Variants in DDX25 observed in about 807,000 individuals in gnomAD.
The protein encoded by DDX25 is DEAD-box helicase 25, also known as ATP-dependent RNA helicase DDX25.
In DDX25, 70 loss-of-function variants were observed where a neutral mutation model predicts 64.6. The ratio of observed to expected loss-of-function variants is 1.08; its 90% CI spans 0.89 to 1.32. DDX25 has a LOEUF of 1.32. Ranked by LOEUF, DDX25 falls within the 40% of genes most tolerant of loss-of-function variation. The pLI, the probability that DDX25 is intolerant of heterozygous loss-of-function variation, is 0.00. For synonymous variants in DDX25, 211 were observed against 213.3 expected, an observed-to-expected ratio of 0.99 and a Z score of 0.09; for missense variants, 587 against 604.4, an observed-to-expected ratio of 0.97 and a Z score of 0.30.
chr11:125,911,511 C>T (rs1944969116), intron 8 of DDX25, 23 bp downstream of exon 8: 4 of 1,604,050 alleles, frequency 2.5e-6, no homozygotes, highest in Non-Finnish European at 3.4e-6. Flanking sequence ...GTCTTCCTCT[C>T]TTCCTCAGCC....
chr11:125,920,513 G>A (rs376519197), intron 10 of DDX25, among the ~76,000 whole-genome samples: 45 of 152,298 alleles, frequency 3.0e-4, no homozygotes, highest in African/African-American at 1.1e-3. Context: ...TTCAGGAAAT[G>A]GCCAGACCTT....
At chr11:125,914,012 T>C (rs1159094286) in intron 8 of DDX25, among the ~76,000 whole-genome samples, 2 of 152,236 alleles carry the variant, frequency 1.3e-5, no homozygotes, top group Non-Finnish European at 2.9e-5. Context: ...CTCTGATTTT[T>C]TTTTATAGAG....
intron 1 of DDX25, 166 bp downstream of exon 1, chr11:125,904,746 C>A (rs1944855671): frequency 1.2e-6 from 1 of 818,700 alleles, no homozygotes; most frequent in Non-Finnish European, 1.9e-6. Context: ...AGAGGGAGAC[C>A]CCGTCCCCAC....
chr11:125,911,364 G>A lies in DDX25; in HGVS notation c.676G>A (p.Val226Ile). 1.2e-6 allele frequency: 2 copies of A among 1,613,796 alleles called. No homozygotes were observed. Among genetic ancestry groups the A allele is most frequent in the South Asian group, 2.2e-5 (2 of 91,010 alleles). Reference sequence around the variant, plus strand: ...GATTATAATTGGCACTCCTGGGACTGTCCTAGATTGGTGTTTTAAACTAAA... The same window carrying A: ...GATTATAATTGGCACTCCTGGGACTATCCTAGATTGGTGTTTTAAACTAAA... ...KQIIIGTPGT[V>I]LDWCFKLKLI... The change falls in exon 8 of 12, where the codon GTC (valine) becomes ATC (isoleucine). Residue 226 changes from valine to isoleucine, a missense_variant. By Grantham distance (29) the Val-to-Ile change is conservative (BLOSUM62 3). Transcript: ENST00000263576.
At chr11:125,906,352 C>A in intron 4 of DDX25, 143 bp downstream of exon 4, 1 of 1,099,332 alleles carries the variant, frequency 9.1e-7, no homozygotes, top group Non-Finnish European at 1.2e-6. Context: ...CAGAGTCTCA[C>A]TCTGTCCCCC....
In DDX25 at chr11:125,923,696, T is replaced by A. The variant is rs535625359; in HGVS notation, c.*815T>A. The A allele has an allele frequency of 6.6e-6, 1 of 151,710 alleles. No individual in the cohort carries two copies. The highest frequency in any genetic ancestry group is 6.5e-5 in the Admixed American group (1 of 15,280). The allele number at this position is 151,710 out of a possible 1,614,324, so 9.4% of individuals were successfully genotyped here. A position where few individuals can be genotyped will look rare whatever the true frequency, so the allele number is the denominator to read the frequency against. On this transcript the variant is annotated 3_prime_UTR_variant, in exon 12 of 12. Coordinates refer to ENST00000263576, the MANE Select transcript of DDX25 (RefSeq NM_013264.5). ...CTGGACATTTTCCCACAAGACCCAT[T>A]GAGATACTTTTTAATTTTTCATATT...
rs1945154090 is a variant in DDX25 at position 125,924,865 on chromosome 11, T to A, written c.*1984T>A. 6.6e-6 allele frequency: 1 copy of A among 152,598 alleles called. No homozygotes were observed. The highest frequency in any genetic ancestry group is 2.1e-4 in the South Asian group (1 of 4,846). The allele number at this position is 152,598 out of a possible 1,614,324, so 9.5% of individuals were successfully genotyped here. The stretch of plus-strand genomic sequence containing the variant: ...AACTCCTGCTGCTCGGTGTCCATCC[T>A]GGTTCTCCTTATCCTACATCTGCCC... On this transcript the variant is annotated 3_prime_UTR_variant, in exon 12 of 12. Transcript: ENST00000263576.
chr11:125,905,620 T>C, intron 3 of DDX25, 23 bp downstream of exon 3: 1 of 1,544,320 alleles, frequency 6.5e-7, no homozygotes, highest in Non-Finnish European at 8.8e-7. Flanking sequence ...TTCATTTGCA[T>C]GTATCTACTA....
intron 8 of DDX25, among the ~76,000 whole-genome samples, chr11:125,915,482 TCTTTC>T (rs1437260978): frequency 6.6e-6 from 1 of 152,236 alleles, no homozygotes; most frequent in Non-Finnish European, 1.5e-5. Flanking sequence ...GCCATGGTTT[TCTTTC>T]CTTATGTATT....
chr11:125,920,997 G>A (rs1029648916), intron 10 of DDX25, 194 bp from the exon 11 acceptor site: 12 of 565,034 alleles, frequency 2.1e-5, no homozygotes, highest in Admixed American at 3.0e-5. Flanking sequence ...CTATGGACAC[G>A]CTCATCTAGC....
intron 10 of DDX25, among the ~76,000 whole-genome samples, chr11:125,920,585 T>G (rs1420794415): frequency 6.6e-6 from 1 of 152,102 alleles, no homozygotes; most frequent in Non-Finnish European, 1.5e-5. Context: ...TGGCTTGCAG[T>G]CTTGAATTGC....
chr11:125,911,981 G>A (rs532429013), intron 8 of DDX25, among the ~76,000 whole-genome samples: 13 of 152,270 alleles, frequency 8.5e-5, no homozygotes, highest in Non-Finnish European at 1.5e-4. Flanking sequence ...ACAGATTACC[G>A]GACGCAGCCT....
intron 6 of DDX25, among the ~76,000 whole-genome samples, chr11:125,909,462 G>T (rs962982923): frequency 6.6e-6 from 1 of 151,810 alleles, no homozygotes; most frequent in Non-Finnish European, 1.5e-5. Flanking sequence ...AGATATTACC[G>T]TTTTTTTCCA....
At position 125,924,950 on chromosome 11, in the gene DDX25, C is replaced by T. The variant is rs545148521; in HGVS notation, c.*2069C>T. On this transcript the variant is annotated 3_prime_UTR_variant, in exon 12 of 12. Transcript: ENST00000263576. Reference sequence around the variant, plus strand: ...TCCACTCAATACCCCTAACACAGTGCCCAGTGCATTCTAAGTGCCCAAGGA... The same window carrying T: ...TCCACTCAATACCCCTAACACAGTGTCCAGTGCATTCTAAGTGCCCAAGGA... 1 of 164,864 alleles carries T rather than the reference C, an allele frequency of 6.1e-6. No individual in the cohort carries two copies. The highest frequency in any genetic ancestry group is 1.3e-5 in the Non-Finnish European group (1 of 75,396). 10.2% of individuals were successfully genotyped at this position (164,864 alleles called of 1,614,324 possible). A position where few individuals can be genotyped will look rare whatever the true frequency, so the allele number is the denominator to read the frequency against.
At chr11:125,915,556 A>T (rs1945026700) in intron 8 of DDX25, among the ~76,000 whole-genome samples, 1 of 152,210 alleles carries the variant, frequency 6.6e-6, no homozygotes, top group African/African-American at 2.4e-5. Flanking sequence ...CTAAGCTTCA[A>T]ACGAGACTAC....
At chr11:125,913,872 T>A (rs1944999696) in intron 8 of DDX25, among the ~76,000 whole-genome samples, 1 of 148,512 alleles carries the variant, frequency 6.7e-6, no homozygotes, top group African/African-American at 2.5e-5. Context: ...AAAAAAAAAA[T>A]GATATAAAAT....
chr11:125,913,968 C>A (rs1457951277), intron 8 of DDX25, among the ~76,000 whole-genome samples: 1 of 152,040 alleles, frequency 6.6e-6, no homozygotes, highest in African/African-American at 2.4e-5. Flanking sequence ...TTGAGCATTC[C>A]GTTTCTGTCT....
In DDX25 at chr11:125,908,470, A is replaced by C. The variant is rs1944925321; in HGVS notation, c.474A>C (p.Leu158Phe). ...GKTAAFVLAMLSRVNALELFP... is the reference protein window; with the variant it reads ...GKTAAFVLAMFSRVNALELFP... ...CAGCGGCATTTGTGTTGGCAATGTT[A>C]AGCAGAGTTAATGCCTTGGAATTGT... Residue 158 changes from leucine (L) to phenylalanine (F), a missense_variant, in exon 6 of 12, where the codon TTA (leucine) becomes TTC (phenylalanine). Leu to Phe is a conservative substitution (Grantham distance 22, BLOSUM62 0). Transcript: ENST00000263576. The C allele has an allele frequency of 1.2e-6, 2 of 1,613,834 alleles. No homozygotes were observed.
intron 9 of DDX25, among the ~76,000 whole-genome samples, chr11:125,917,589 C>T (rs906683123): frequency 6.6e-6 from 1 of 152,156 alleles, no homozygotes; most frequent in Non-Finnish European, 1.5e-5. Flanking sequence ...AACAAAACCC[C>T]GTTTTTATGT....
Sources: allele counts gnomAD v4.1 joint callset (sites outside exome capture counted in the v4.1 genomes callset), GRCh38; gene constraint gnomAD v4.1.1; transcripts MANE v1.5; gene names NCBI Gene and HGNC (gene_info 2026-07-23, HGNC 2026-07-21).